The following TFF2 variants were observed in gnomAD, a reference collection of about 807,000 sequenced individuals.
TFF2 encodes spasmolysin.
A neutral mutation model predicts 16.0 loss-of-function variants in TFF2; 19 were observed. The ratio of observed to expected loss-of-function variants is 1.19; its 90% confidence interval spans 0.83 to 1.74. TFF2 has a LOEUF of 1.74. TFF2 is among the 40% of genes most tolerant of loss of function. TFF2 has a pLI of 0.00. For missense variants in TFF2, 168 were observed against 166.8 expected, an observed-to-expected ratio of 1.01 and a Z score of -0.04; for synonymous variants, 61 against 65.4, an observed-to-expected ratio of 0.93 and a Z score of 0.32.
chr21:42,348,140 C>T (rs2052083695), intron 2 of TFF2, among the ~76,000 whole-genome samples: 2 of 152,214 alleles, frequency 1.3e-5, no homozygotes, highest in Admixed American at 6.5e-5. Context: ...GCAAGCCTCC[C>T]AGCAACAATC....
At chr21:42,350,196 AG>A (rs2052105548) in intron 1 of TFF2, 166 bp from the exon 2 acceptor site, 4 of 1,273,212 alleles carry the variant, frequency 3.1e-6, no homozygotes, top group Non-Finnish European at 4.0e-6. Context: ...AGAAGCCGAT[AG>A]GGCTTTGCTG....
chr21:42,347,629 G>A lies in TFF2; in HGVS notation c.233C>T (p.Ser78Leu), dbSNP rs762823474. Residue 78 changes from serine (S) to leucine (L), a missense_variant, in exon 3 of 4, where the codon TCG (serine) becomes TTG (leucine). By Grantham distance (145) the Ser-to-Leu change is moderately radical. Transcript: ENST00000291526. The part of the protein sequence containing the change: ...WCFHPLPKQE[S>L]DQCVMEVSDR... ...TGAGACCTCCATGACGCACTGATCC[G>A]ACTCTGCCATGGGACAGGCACAGCA... 7 of 1,613,964 alleles carry A rather than the reference G, an allele frequency of 4.3e-6. No individual in the cohort carries two copies. The Admixed American group carries it at 6.7e-5, about 15-fold the overall frequency.
In TFF2 at chr21:42,347,478, G is replaced by T; in HGVS notation, c.376+8C>A. ...GGAACCAGACAGAGAGTCCCACAGC[G>T]ACGTTACCTTCCACAGACTTCGGGA... On this transcript the variant is annotated splice_region_variant and intron_variant, in intron 3 of 3. Coordinates refer to ENST00000291526, the MANE Select transcript of TFF2 (RefSeq NM_005423.5). 1 of 1,614,096 alleles carries T rather than the reference G, an allele frequency of 6.2e-7. No homozygotes were observed. Among genetic ancestry groups the T allele is most frequent in the Non-Finnish European group, 8.5e-7 (1 of 1,179,986 alleles).
intron 2 of TFF2, among the ~76,000 whole-genome samples, chr21:42,348,223 CT>C (rs2052084727): frequency 2.9e-5 from 3 of 104,248 alleles, no homozygotes; most frequent in African/African-American, 9.9e-5. Flanking sequence ...CACACACAAC[CT>C]TCCTTTGAGC....
chr21:42,346,425 G>T lies in TFF2; in HGVS notation c.*108C>A. On this transcript the variant is annotated 3_prime_UTR_variant, in exon 4 of 4. Transcript: ENST00000291526. ...AACCATTGAAAATGAGGAAAAGATG[G>T]TTAAGAAAACCCAGGATTTCATGAA... 4 of 1,393,834 alleles carry T rather than the reference G, an allele frequency of 2.9e-6. No homozygotes were observed. The South Asian group carries it at 4.8e-5, about 17-fold the overall frequency. 86.3% of individuals were successfully genotyped at this position (1,393,834 alleles called of 1,614,324 possible).
intron 2 of TFF2, among the ~76,000 whole-genome samples, chr21:42,349,306 A>T (rs1375870883): frequency 6.7e-6 from 1 of 150,306 alleles, no homozygotes; most frequent in Non-Finnish European, 1.5e-5. Context: ...AGACTAATCA[A>T]CCTGTGCTAG....
At chr21:42,348,764 C>T (rs750612652) in intron 2 of TFF2, among the ~76,000 whole-genome samples, 2 of 151,552 alleles carry the variant, frequency 1.3e-5, no homozygotes, top group Admixed American at 6.6e-5. Context: ...ACCTAACCAA[C>T]CTGGGCTACC....
At position 42,346,375 on chromosome 21, in the gene TFF2, T is replaced by C. The variant is rs2052067555; in HGVS notation, c.*158A>G. On this transcript the variant is annotated 3_prime_UTR_variant, in exon 4 of 4. Transcript: ENST00000291526. ...AAAGAAATTTAGCAGATTTTAAGGGTTTTATTTAAAGAAATTATATGTTAA... is the reference window on the plus strand; with the variant it reads ...AAAGAAATTTAGCAGATTTTAAGGGCTTTATTTAAAGAAATTATATGTTAA... The C allele has an allele frequency of 9.9e-7, 1 of 1,005,530 alleles. No individual in the cohort carries two copies. The highest frequency in any genetic ancestry group is 1.6e-5 in the African/African-American group (1 of 60,650). The allele number at this position is 1,005,530 out of a possible 1,614,324, so 62.3% of individuals were successfully genotyped here. A position where few individuals can be genotyped will look rare whatever the true frequency, so the allele number is the denominator to read the frequency against.
chr21:42,346,989 C>T (rs926802390), intron 3 of TFF2, among the ~76,000 whole-genome samples: 6 of 152,204 alleles, frequency 3.9e-5, no homozygotes, highest in Non-Finnish European at 8.8e-5. Context: ...GAAGTGGACC[C>T]GTTCACCTCT....
At chr21:42,346,748 A>G (rs1338984153) in intron 3 of TFF2, among the ~76,000 whole-genome samples, 1 of 152,190 alleles carries the variant, frequency 6.6e-6, no homozygotes, top group Non-Finnish European at 1.5e-5. Flanking sequence ...TTCTCCCCAG[A>G]CAAGTGAACA....
At chr21:42,348,648 A>ACTAACCAAC (rs1353396981) in intron 2 of TFF2, among the ~76,000 whole-genome samples, 1 of 151,652 alleles carries the variant, frequency 6.6e-6, no homozygotes, top group Non-Finnish European at 1.5e-5. Context: ...CTAGTCCCAG[A>ACTAACCAAC]CTAACCAATC....
chr21:42,350,258 G>A, intron 1 of TFF2: 1 of 1,117,846 alleles, frequency 8.9e-7, no homozygotes, highest in Non-Finnish European at 1.1e-6. Context: ...CAGGCATGGT[G>A]GCTCATACCT....
At chr21:42,347,654 A>G (rs1482129483) in intron 2 of TFF2, 22 bp from the exon 3 acceptor site, 2 of 1,611,760 alleles carry the variant, frequency 1.2e-6, no homozygotes, top group Non-Finnish European at 8.5e-7. Flanking sequence ...CAGGCACAGC[A>G]CCGAGACCCA....
At chr21:42,350,209 A>G (rs1437591164) in intron 1 of TFF2, 179 bp from the exon 2 acceptor site, 2 of 1,259,250 alleles carry the variant, frequency 1.6e-6, no homozygotes, top group African/African-American at 1.5e-5. Context: ...GCTTTGCTGA[A>G]ATTGTTATAT....
rs1261579105 is a variant in TFF2 at position 42,350,879 on chromosome 21, A to T, written c.79T>A (p.Ser27Thr). Residue 27 changes from serine (S) to threonine (T), a missense_variant and splice_region_variant, in exon 1 of 4, where the codon TCC becomes ACC. Physicochemically the swap from Ser to Thr is moderately conservative, Grantham distance 58. Coordinates refer to ENST00000291526, the MANE Select transcript of TFF2 (RefSeq NM_005423.5). ...TAAAAAGACCCTCTCCTTCACTTACAGGGTTTCTCACTCCCCGCCAGGGCA... is the reference window on the plus strand; with the variant it reads ...TAAAAAGACCCTCTCCTTCACTTACTGGGTTTCTCACTCCCCGCCAGGGCA... ...LCALAGSEKP[S>T]PCQCSRLSPH... The T allele has an allele frequency of 6.2e-7, 1 of 1,611,378 alleles. No homozygotes were observed.
intron 1 of TFF2, 199 bp from the exon 2 acceptor site, chr21:42,350,229 A>C: frequency 8.3e-7 from 1 of 1,207,542 alleles, no homozygotes; most frequent in Non-Finnish European, 1.0e-6. Flanking sequence ...TTAGTTTAAA[A>C]GGAAAAAAAA....
At position 42,350,005 on chromosome 21, in the gene TFF2, G is replaced by A. The variant is rs1270153960; in HGVS notation, c.105C>T (p.Ser35=). ...KPSPCQCSRL[S]PHNRTNCGFP... ...AGCCGCAGTTCGTCCTGTTATGGGG[G>A]CTCAGCCTGGAGCACTGGCAGGGGG... Residue 35 remains serine, a synonymous_variant, in exon 2 of 4, where the codon AGC becomes AGT. Coordinates refer to ENST00000291526, the MANE Select transcript of TFF2 (RefSeq NM_005423.5). 1.9e-6 allele frequency: 3 copies of A among 1,599,742 alleles called. No individual in the cohort carries two copies. Among genetic ancestry groups the A allele is most frequent in the Non-Finnish European group, 2.6e-6 (3 of 1,172,948 alleles).
intron 1 of TFF2, chr21:42,350,420 C>G (rs539883657): frequency 5.5e-6 from 1 of 183,032 alleles, no homozygotes. Flanking sequence ...GTGGTTTCAG[C>G]TACTCAGGCG....
At chr21:42,350,761 C>G in intron 1 of TFF2, 118 bp downstream of exon 1, 1 of 1,082,346 alleles carries the variant, frequency 9.2e-7, no homozygotes, top group Non-Finnish European at 1.3e-6. Flanking sequence ...GTGAACAACA[C>G]ACATTGCCAG....
Sources: allele counts gnomAD v4.1 joint callset (sites outside exome capture counted in the v4.1 genomes callset), GRCh38; gene constraint gnomAD v4.1.1; transcripts MANE v1.5; gene names NCBI Gene and HGNC (gene_info 2026-07-23, HGNC 2026-07-21).